IGHMBP2: variants seen among roughly 807,000 people sequenced by gnomAD.
IGHMBP2 encodes the protein immunoglobulin mu DNA binding protein 2.
IGHMBP2 carries 81 observed loss-of-function variants against 96.0 expected under a neutral mutation model. That is an observed-to-expected ratio of 0.84 (90% CI 0.71 to 1.01). The LOEUF (loss-of-function observed/expected upper bound fraction) is 1.01, where lower values mean the gene tolerates loss of function less well. IGHMBP2 is among the 50% of genes least tolerant of loss of function. The pLI is 0.00. For synonymous variants in IGHMBP2, 557 were observed against 548.9 expected (o/e 1.01, Z -0.21); for missense variants, 1,227 against 1,306.3 (o/e 0.94, Z 0.94).
At chr11:68,928,210 T>G (rs1859144812) in intron 7 of IGHMBP2, among the ~76,000 whole-genome samples, 1 of 152,200 alleles carries the variant, frequency 6.6e-6, no homozygotes, top group African/African-American at 2.4e-5. Context: ...GTGGCCTTTG[T>G]GGCCTTTCTG....
rs1317226870 is a variant in IGHMBP2, at chr11:68,914,993, A to G, written c.882A>G (p.Ala294=). 1.2e-6 allele frequency: 2 copies of G among 1,614,106 alleles called. No individual in the cohort carries two copies. Among genetic ancestry groups the G allele is most frequent in the Non-Finnish European group, 8.5e-7 (1 of 1,180,016 alleles). The change falls in exon 6 of 15, where the codon GCA becomes GCG. Residue 294 remains alanine (A), a synonymous_variant. Transcript: ENST00000255078. ...LARSDSAQIV[A]DIRKDIDQVF... ...GGAGCGACAGTGCCCAGATTGTTGC[A>G]GATATCAGGAAGGACATCGACCAGG...
chr11:68,929,966 C>CAG (rs1268987907), intron 8 of IGHMBP2: 79 of 885,380 alleles, frequency 8.9e-5, no homozygotes, highest in Middle Eastern at 5.5e-4. Flanking sequence ...AAGTGCTGCC[C>CAG]GCCCCCCCAG....
intron 6 of IGHMBP2, among the ~76,000 whole-genome samples, chr11:68,915,966 G>A (rs1006254555): frequency 1.3e-5 from 2 of 151,240 alleles, no homozygotes; most frequent in African/African-American, 2.4e-5. Context: ...TTGAGGTCAG[G>A]AGTTCGAGAC....
At chr11:68,933,575 TC>T (rs1338153965) in intron 9 of IGHMBP2, 94 bp downstream of exon 9, 1 of 1,454,080 alleles carries the variant, frequency 6.9e-7, no homozygotes, top group Non-Finnish European at 9.4e-7. Context: ...AGTGAAGCTT[TC>T]TGCATGAAAG....
intron 7 of IGHMBP2, among the ~76,000 whole-genome samples, chr11:68,925,142 CTTTTTTTTTTTT>C (rs921409570): frequency 1.8e-5 from 2 of 108,706 alleles, no homozygotes; most frequent in African/African-American, 3.4e-5. Flanking sequence ...AGTCCAGGTT[CTTTTTTTTTTTT>C]TTTTTTTTTG....
rs1193285282 is a variant in IGHMBP2 at position 68,929,426 on chromosome 11, G to A, written c.1235+69G>A. On this transcript the variant is annotated intron_variant, in intron 8 of 14. Transcript: ENST00000255078. ...CCTGCGGTCCTTCCACGCTCAGCCA[G>A]GAGCCCCAGGCTCACCAGGAGCCCC... The A allele has an allele frequency of 5.4e-6, 8 of 1,472,790 alleles. No individual in the cohort carries two copies. The East Asian group carries it at 1.8e-4, about 33-fold the overall frequency. The allele number at this position is 1,472,790 out of a possible 1,614,324, so 91.2% of individuals were successfully genotyped here.
chr11:68,927,413 C>T (rs577595646), intron 7 of IGHMBP2, among the ~76,000 whole-genome samples: 2 of 152,324 alleles, frequency 1.3e-5, no homozygotes, highest in South Asian at 4.1e-4. Context: ...TGCTTGGGCA[C>T]ACCTCCAACA....
intron 2 of IGHMBP2, among the ~76,000 whole-genome samples, chr11:68,907,780 G>C (rs927508181): frequency 2.0e-5 from 3 of 152,058 alleles, no homozygotes; most frequent in Non-Finnish European, 1.5e-5. Flanking sequence ...GGAGTGCAGT[G>C]GTGCAATCTT....
chr11:68,937,923 ACAGGGTAG>A (rs1859613827), intron 13 of IGHMBP2: 2 of 510,342 alleles, frequency 3.9e-6, no homozygotes, highest in South Asian at 4.1e-5. Flanking sequence ...CCAGGCACTG[ACAGGGTAG>A]CAGAGGGAAG....
rs1165471451 is a variant in IGHMBP2 at position 68,936,907 on chromosome 11, C to G, written c.2427C>G (p.Pro809=). ...GCCCAGCCCCTCTCCAGCCAGTGCCCCCTACCCCTGCGCAGACAGAGCAGC... is the reference window on the plus strand; with the variant it reads ...GCCCAGCCCCTCTCCAGCCAGTGCCGCCTACCCCTGCGCAGACAGAGCAGC... ...TGGPAPLQPV[P]PTPAQTEQPP... Residue 809 remains proline, a synonymous_variant, in exon 13 of 15, where the codon CCC becomes CCG. Transcript: ENST00000255078. 6.2e-7 allele frequency: 1 copy of G among 1,607,192 alleles called. No individual in the cohort carries two copies. Among genetic ancestry groups the G allele is most frequent in the Non-Finnish European group, 8.5e-7 (1 of 1,177,292 alleles).
At position 68,938,412 on chromosome 11, in the gene IGHMBP2, C is replaced by G; in HGVS notation, c.2784+58C>G. On this transcript the variant is annotated intron_variant, in intron 14 of 14. Coordinates refer to ENST00000255078, the MANE Select transcript of IGHMBP2 (RefSeq NM_002180.3). ...TGGGGAGGGGTGGTGGGTTCCGTCTCCAGGAAGCAGACCCTGGGCAGACTT... is the reference window on the plus strand; with the variant it reads ...TGGGGAGGGGTGGTGGGTTCCGTCTGCAGGAAGCAGACCCTGGGCAGACTT... 4 of 1,483,626 alleles carry G rather than the reference C, an allele frequency of 2.7e-6. No individual in the cohort carries two copies. In the South Asian group the frequency reaches 4.8e-5, roughly 18 times the overall value. 91.9% of individuals were successfully genotyped at this position (1,483,626 alleles called of 1,614,324 possible).
In IGHMBP2 at chr11:68,926,852, G is replaced by A. The variant is rs57340099; in HGVS notation, c.1061-2331G>A. Among the ~76,000 whole-genome samples, 36 of 152,008 alleles carry A rather than the reference G, an allele frequency of 2.4e-4. No individual in the cohort carries two copies. In the East Asian group the frequency reaches 4.9e-3, roughly 21 times the overall value. On this transcript the variant is annotated intron_variant, in intron 7 of 14. Coordinates refer to ENST00000255078, the MANE Select transcript of IGHMBP2 (RefSeq NM_002180.3). ...GTGATCTCGGCCTGCTGCAACCTCC[G>A]TCTCCTAGGTTCAAGCGATTCTCCT...
Position 68,903,924 on chromosome 11 carries a change from G to C in IGHMBP2, c.-29G>C, listed in dbSNP as rs1265882735. 4 of 1,596,342 alleles carry C rather than the reference G, an allele frequency of 2.5e-6. No individual in the cohort carries two copies. Among genetic ancestry groups the C allele is most frequent in the Non-Finnish European group, 3.4e-6 (4 of 1,171,602 alleles). On this transcript the variant is annotated 5_prime_UTR_variant, in exon 1 of 15. Transcript: ENST00000255078. ...GGCCCGGCGCAGAAGCGGGACGTCGGCTTCTAGGGGCCCAGGCCGGCGGCG... is the reference window on the plus strand; with the variant it reads ...GGCCCGGCGCAGAAGCGGGACGTCGCCTTCTAGGGGCCCAGGCCGGCGGCG...
chr11:68,931,156 T>G (rs976203780), intron 8 of IGHMBP2, among the ~76,000 whole-genome samples: 3 of 152,188 alleles, frequency 2.0e-5, no homozygotes, highest in Non-Finnish European at 4.4e-5. Context: ...CCCTGGGGCT[T>G]GGCTCCAATC....
intron 8 of IGHMBP2, chr11:68,930,469 G>C: frequency 7.8e-7 from 1 of 1,282,976 alleles, no homozygotes; most frequent in South Asian, 1.2e-5. Flanking sequence ...TAGTAATTGA[G>C]AGTGAGCTTT....
In IGHMBP2 at chr11:68,936,425, G is replaced by A. The variant is rs903197549; in HGVS notation, c.1945G>A (p.Glu649Lys). The A allele has an allele frequency of 1.2e-6, 2 of 1,614,050 alleles. No individual in the cohort carries two copies. Among genetic ancestry groups the A allele is most frequent in the Non-Finnish European group, 1.7e-6 (2 of 1,180,032 alleles). The change falls in exon 13 of 15, where the codon GAA becomes AAA. Residue 649 changes from glutamate to lysine, a missense_variant. Coordinates refer to ENST00000255078, the MANE Select transcript of IGHMBP2 (RefSeq NM_002180.3). ...TGAGTATCTTGACGATATTGTCCCA[G>A]AAAACTATTCCCATGAGAACTCCCA... ...AFEYLDDIVP[E>K]NYSHENSQGS...
intron 5 of IGHMBP2, among the ~76,000 whole-genome samples, chr11:68,912,325 T>A (rs1331027337): frequency 6.6e-6 from 1 of 151,784 alleles, no homozygotes; most frequent in African/African-American, 2.4e-5. Context: ...AGAGATGGAG[T>A]TTCACCACAT....
chr11:68,932,061 A>G (rs1170286853), intron 8 of IGHMBP2, among the ~76,000 whole-genome samples: 2 of 129,984 alleles, frequency 1.5e-5, no homozygotes, highest in Non-Finnish European at 3.1e-5. Context: ...AGACAGTAGG[A>G]TGGTTTCGGG....
intron 4 of IGHMBP2, among the ~76,000 whole-genome samples, chr11:68,910,797 C>T (rs1447099245): frequency 6.6e-6 from 1 of 150,994 alleles, no homozygotes; most frequent in Non-Finnish European, 1.5e-5. Flanking sequence ...GCAGGAGAAT[C>T]GCTTGAACCC....
Sources: gnomAD v4.1 joint callset for allele counts (sites outside exome capture counted in the v4.1 genomes callset) on GRCh38, gnomAD v4.1.1 for gene constraint, MANE v1.5 for transcripts, NCBI Gene and HGNC (gene_info 2026-07-23, HGNC 2026-07-21) for gene names.